Variants in GALNT14 observed in about 807,000 individuals in gnomAD.
GALNT14 encodes the protein polypeptide N-acetylgalactosaminyltransferase 14, also known as UDP-GalNAc:polypeptide N-acetylgalactosaminyltransferase 14.
Under a neutral mutation model 77.5 loss-of-function variants are expected in GALNT14, and 60 were observed. The observed-to-expected ratio is 0.77, with a 90% CI of 0.63 to 0.96. GALNT14 has a LOEUF of 0.96. Among genes scored for constraint, GALNT14 ranks in the 40% least tolerant of loss-of-function variants. The pLI, the probability that GALNT14 is intolerant of heterozygous loss-of-function variation, is 0.00. For synonymous variants in GALNT14, 280 were observed against 281.7 expected, an observed-to-expected ratio of 0.99 and a Z score of 0.06; for missense variants, 710 against 731.0, an observed-to-expected ratio of 0.97 and a Z score of 0.33.
intron 1 of GALNT14, chr2:31,132,838 C>A: frequency 2.5e-6 from 1 of 404,362 alleles, no homozygotes; most frequent in South Asian, 1.9e-5. Context: ...AGTCATGCAG[C>A]TGGAGGCCAC....
chr2:31,130,485 G>A (rs1053214549), intron 1 of GALNT14, among the ~76,000 whole-genome samples: 2 of 152,150 alleles, frequency 1.3e-5, no homozygotes, highest in Non-Finnish European at 2.9e-5. Flanking sequence ...AGGGGAGGAT[G>A]GAGCATGGAC....
At chr2:30,926,663 G>T (rs1167274782) in intron 11 of GALNT14, among the ~76,000 whole-genome samples, 3 of 151,764 alleles carry the variant, frequency 2.0e-5, no homozygotes, top group African/African-American at 7.3e-5. Context: ...CTGCAAATGG[G>T]ACCAAGCAAG....
chr2:31,018,339 A>C (rs548503629), intron 1 of GALNT14, among the ~76,000 whole-genome samples: 35 of 152,392 alleles, frequency 2.3e-4, no homozygotes, highest in African/African-American at 6.0e-4. Context: ...TAATTTATAA[A>C]GAAAAGAGGT....
intron 1 of GALNT14, among the ~76,000 whole-genome samples, chr2:31,013,105 C>T (rs1045781051): frequency 2.0e-5 from 3 of 152,108 alleles, no homozygotes; most frequent in African/African-American, 7.2e-5. Context: ...GCAGTGGGAC[C>T]TTGGGCAAGT....
chr2:30,926,845 G>T (rs2148238462), intron 11 of GALNT14, among the ~76,000 whole-genome samples: 2 of 152,274 alleles, frequency 1.3e-5, no homozygotes, highest in East Asian at 3.9e-4. Flanking sequence ...CAGTCTCAGG[G>T]CTTGGGGGCC....
At chr2:31,110,036 C>T (rs1677758612) in intron 1 of GALNT14, among the ~76,000 whole-genome samples, 1 of 152,212 alleles carries the variant, frequency 6.6e-6, no homozygotes, top group Admixed American at 6.5e-5. Flanking sequence ...TTATTTCCAA[C>T]AATCACAGGA....
chr2:31,081,121 T>C (rs1676134645), intron 1 of GALNT14, among the ~76,000 whole-genome samples: 1 of 152,232 alleles, frequency 6.6e-6, no homozygotes, highest in Non-Finnish European at 1.5e-5. Context: ...GCATTGTTGC[T>C]GTGAGAATAC....
At chr2:31,048,451 T>C (rs1673620908) in intron 1 of GALNT14, among the ~76,000 whole-genome samples, 1 of 152,110 alleles carries the variant, frequency 6.6e-6, no homozygotes, top group Non-Finnish European at 1.5e-5. Context: ...GTCCTAATGG[T>C]GGTGGGGTTG....
At chr2:30,894,446 C>A in the GALNT14 span, among the ~76,000 whole-genome samples, 1 of 151,538 alleles carries the variant, frequency 6.6e-6, no homozygotes, top group Admixed American at 6.6e-5. Context: ...GTATTCTAGA[C>A]CTTTTTTTCA....
intron 1 of GALNT14, among the ~76,000 whole-genome samples, chr2:31,084,145 G>T (rs144526679): frequency 6.6e-6 from 1 of 152,182 alleles, no homozygotes; most frequent in Admixed American, 6.5e-5. Context: ...TGGCCACTGT[G>T]TGGGATACTT....
At chr2:31,020,181 C>T (rs1224087399) in intron 1 of GALNT14, among the ~76,000 whole-genome samples, 1 of 152,126 alleles carries the variant, frequency 6.6e-6, no homozygotes, top group Non-Finnish European at 1.5e-5. Context: ...GCAGCTATCA[C>T]ACAGGAAAAC....
At chr2:30,988,413 G>A (rs944136678) in intron 2 of GALNT14, among the ~76,000 whole-genome samples, 10 of 152,210 alleles carry the variant, frequency 6.6e-5, no homozygotes, top group East Asian at 1.9e-4. Context: ...GGAGCTTCTC[G>A]GTAGAGGTGA....
intron 10 of GALNT14, among the ~76,000 whole-genome samples, chr2:30,930,783 C>T (rs550036951): frequency 6.6e-6 from 1 of 152,244 alleles, no homozygotes; most frequent in Non-Finnish European, 1.5e-5. Flanking sequence ...GCACTGGAGG[C>T]AGTTAACAGT....
intron 3 of GALNT14, among the ~76,000 whole-genome samples, chr2:30,964,071 A>G (rs1263227478): frequency 6.6e-6 from 1 of 152,186 alleles, no homozygotes; most frequent in Non-Finnish European, 1.5e-5. Flanking sequence ...GATGGGGTGC[A>G]TGTGTGTGAT....
At chr2:31,002,389 C>T (rs1469762500) in intron 1 of GALNT14, among the ~76,000 whole-genome samples, 2 of 151,790 alleles carry the variant, frequency 1.3e-5, no homozygotes, top group Non-Finnish European at 2.9e-5. Flanking sequence ...GAGTTCATGC[C>T]ACTGCGCTCC....
At chr2:30,979,101 G>A (rs1668825109) in intron 2 of GALNT14, among the ~76,000 whole-genome samples, 1 of 152,260 alleles carries the variant, frequency 6.6e-6, no homozygotes, top group African/African-American at 2.4e-5. Context: ...GGTGACAGGA[G>A]CTGTGTGCCC....
In GALNT14 at chr2:31,114,919, C is replaced by T. The variant is rs914728385; in HGVS notation, c.129+23039G>A. The T allele has an allele frequency of 7.6e-6, 5 of 659,070 alleles. No individual in the cohort carries two copies. In the East Asian group the frequency reaches 8.3e-5, roughly 11 times the overall value. The allele number at this position is 659,070 out of a possible 1,614,324, so 40.8% of individuals were successfully genotyped here. Reference sequence around the variant, plus strand: ...AAAAAGTATTATGACTTCAGTCATACACCATCTGCAAAACTGGAATCCAGA... The same window carrying T: ...AAAAAGTATTATGACTTCAGTCATATACCATCTGCAAAACTGGAATCCAGA... On this transcript the variant is annotated intron_variant, in intron 1 of 14. Transcript: ENST00000349752.
At chr2:30,977,170 AC>A (rs991284943) in intron 2 of GALNT14, among the ~76,000 whole-genome samples, 5 of 149,284 alleles carry the variant, frequency 3.3e-5, no homozygotes, top group African/African-American at 1.3e-4. Flanking sequence ...GCTCACTGCA[AC>A]CTCTGCCTCC....
At position 31,078,857 on chromosome 2, in the gene GALNT14, G is replaced by GAGAGCAGGGGAAAGTAGGGC. The variant is rs369698580; in HGVS notation, c.129+59081_129+59100dup. The GAGAGCAGGGGAAAGTAGGGC allele has an allele frequency of 2.0e-4, 245 of 1,221,690 alleles. 2 individuals are homozygous for GAGAGCAGGGGAAAGTAGGGC. The African/African-American group carries it at 3.4e-3, about 17-fold the overall frequency. The allele number at this position is 1,221,690 out of a possible 1,614,324, so 75.7% of individuals were successfully genotyped here. A position where few individuals can be genotyped will look rare whatever the true frequency, so the allele number is the denominator to read the frequency against. ...TAGGCCTGGGAGAACCCAGGCACAG[G>GAGAGCAGGGGAAAGTAGGGC]AGAGCAGGGGAAAGTAGGGCAAAGC... On this transcript the variant is annotated intron_variant, in intron 1 of 14. Transcript: ENST00000349752.
Sources: gnomAD v4.1 joint callset for allele counts (sites outside exome capture counted in the v4.1 genomes callset) on GRCh38, gnomAD v4.1.1 for gene constraint, MANE v1.5 for transcripts, NCBI Gene and HGNC (gene_info 2026-07-23, HGNC 2026-07-21) for gene names.